Variants in PARD3B observed in about 807,000 individuals in gnomAD.
The protein encoded by PARD3B is partitioning defective 3 homolog B.
PARD3B carries 103 observed loss-of-function variants against 130.2 expected under a neutral mutation model. The observed-to-expected ratio is 0.79, with a 90% confidence interval of 0.67 to 0.93. The LOEUF (loss-of-function observed/expected upper bound fraction) is 0.93. PARD3B is among the 40% of genes least tolerant of loss of function. PARD3B has a pLI of 0.00. For missense variants in PARD3B, 1,609 were observed against 1,499.2 expected, an observed-to-expected ratio of 1.07 and a Z score of -1.21; for synonymous variants, 583 against 553.2, an observed-to-expected ratio of 1.05 and a Z score of -0.76.
At chr2:205,557,184 G>A (rs759481625) in intron 22 of PARD3B, among the ~76,000 whole-genome samples, 12 of 152,144 alleles carry the variant, frequency 7.9e-5, no homozygotes, top group Non-Finnish European at 1.6e-4. Flanking sequence ...GCGGCAAAAG[G>A]TTGCTGGAGA....
Position 204,745,017 on chromosome 2 carries a change from C to T in PARD3B, c.222+58735C>T, listed in dbSNP as rs577841954. On this transcript the variant is annotated intron_variant, in intron 2 of 22. Coordinates refer to ENST00000406610, the MANE Select transcript of PARD3B (RefSeq NM_001302769.2). Reference sequence around the variant, plus strand: ...GAAGTGCTTCATTGTGGGGTCCTATCTGAGTAGGGAAGGAAATAAAGACAG... The same window carrying T: ...GAAGTGCTTCATTGTGGGGTCCTATTTGAGTAGGGAAGGAAATAAAGACAG... Among the ~76,000 whole-genome samples, 3 of 152,142 alleles carry T rather than the reference C, an allele frequency of 2.0e-5. No homozygotes were observed. The South Asian group carries it at 6.2e-4, about 32-fold the overall frequency.
rs576890482 is a variant in PARD3B at position 204,785,536 on chromosome 2, A to C, written c.222+99254A>C. Among the ~76,000 whole-genome samples the C allele has an allele frequency of 1.9e-3, 290 of 152,246 alleles. 3 individuals are homozygous for C. The highest frequency in any genetic ancestry group is 6.9e-3 in the African/African-American group (287 of 41,540). ...AATATGACACTTTAAGGTTGGATAGATACTCCTGCCATAACCTACCAAACC... is the reference window on the plus strand; with the variant it reads ...AATATGACACTTTAAGGTTGGATAGCTACTCCTGCCATAACCTACCAAACC... On this transcript the variant is annotated intron_variant, in intron 2 of 22. Transcript: ENST00000406610.
chr2:205,124,848 C>T (rs954866312), intron 9 of PARD3B, among the ~76,000 whole-genome samples: 1 of 152,150 alleles, frequency 6.6e-6, no homozygotes, highest in African/African-American at 2.4e-5. Context: ...CAGGACAAGC[C>T]AGAGTATCTC....
At chr2:204,899,118 T>C (rs1163717682) in intron 2 of PARD3B, among the ~76,000 whole-genome samples, 1 of 152,128 alleles carries the variant, frequency 6.6e-6, no homozygotes, top group Non-Finnish European at 1.5e-5. Context: ...AGTGTTATCA[T>C]TGATAAATAA....
intron 22 of PARD3B, among the ~76,000 whole-genome samples, chr2:205,587,200 G>C (rs1302775049): frequency 1.3e-5 from 2 of 152,224 alleles, no homozygotes; most frequent in East Asian, 1.9e-4. Context: ...ATTTGAATGA[G>C]TCATTGCATC....
chr2:204,901,764 G>A (rs1014792914), intron 2 of PARD3B, among the ~76,000 whole-genome samples: 3 of 151,852 alleles, frequency 2.0e-5, no homozygotes, highest in Admixed American at 1.3e-4. Flanking sequence ...AACGGCCTGG[G>A]TACTGCTGCT....
At chr2:204,700,617 A>G (rs536516201) in intron 2 of PARD3B, among the ~76,000 whole-genome samples, 31 of 152,242 alleles carry the variant, frequency 2.0e-4, no homozygotes, top group African/African-American at 7.0e-4. Flanking sequence ...ACAAGCATGC[A>G]TAAAACCTGA....
chr2:204,831,184 C>T (rs1438826962), intron 2 of PARD3B, among the ~76,000 whole-genome samples: 1 of 151,950 alleles, frequency 6.6e-6, no homozygotes, highest in Non-Finnish European at 1.5e-5. Flanking sequence ...TTGAACTTTT[C>T]TATGAATAGA....
At chr2:204,718,995 T>C (rs957389471) in intron 2 of PARD3B, among the ~76,000 whole-genome samples, 6 of 152,234 alleles carry the variant, frequency 3.9e-5, no homozygotes, top group Non-Finnish European at 8.8e-5. Flanking sequence ...TGGTGGGATT[T>C]ACAACCAGGA....
chr2:204,796,018 G>T (rs1474480879), intron 2 of PARD3B, among the ~76,000 whole-genome samples: 4 of 152,064 alleles, frequency 2.6e-5, no homozygotes, highest in Admixed American at 2.6e-4. Flanking sequence ...TTGCATATAT[G>T]TCATTATTTA....
At position 205,287,478 on chromosome 2, in the gene PARD3B, AC is replaced by A. The variant is rs1368135734; in HGVS notation, c.2186-13048del. ...GCTCCAGGCTTAGATTCTCCCAGTAACCCCAGTAACAAAGACTGCTCACTCT... is the reference window on the plus strand; with the variant it reads ...GCTCCAGGCTTAGATTCTCCCAGTAACCCAGTAACAAAGACTGCTCACTCT... On this transcript the variant is annotated intron_variant, in intron 16 of 22. Transcript: ENST00000406610. The surrounding 1 kb of genome is among the most constrained non-coding windows in gnomAD (Gnocchi z 4.8). Among the ~76,000 whole-genome samples the A allele has an allele frequency of 9.2e-5, 14 of 151,954 alleles. No homozygotes were observed. Among genetic ancestry groups the A allele is most frequent in the Non-Finnish European group, 2.9e-5 (2 of 67,980 alleles).
chr2:205,028,201 C>T (rs1036603503), intron 3 of PARD3B, among the ~76,000 whole-genome samples: 6 of 152,158 alleles, frequency 3.9e-5, no homozygotes, highest in Non-Finnish European at 5.9e-5. Flanking sequence ...AATCCATGAA[C>T]GTGAGATCTC....
intron 22 of PARD3B, among the ~76,000 whole-genome samples, chr2:205,595,249 A>G (rs1465938717): frequency 6.6e-6 from 1 of 152,210 alleles, no homozygotes; most frequent in Non-Finnish European, 1.5e-5. Flanking sequence ...TGCCCACCAT[A>G]GAGGACAAAT....
Position 204,545,808 on chromosome 2 carries a change from C to T in PARD3B, c.-192C>T. 1.8e-6 allele frequency: 1 copy of T among 559,922 alleles called. No individual in the cohort carries two copies. Among genetic ancestry groups the T allele is most frequent in the Non-Finnish European group, 2.8e-6 (1 of 351,632 alleles). The allele number at this position is 559,922 out of a possible 1,614,324, so 34.7% of individuals were successfully genotyped here. ...ACCCCTTTCCGCGGCCGCCCCTCCC[C>T]GATTCCCGCCACCTGCCGCCTGGCC... is the stretch of plus-strand genomic sequence containing the variant. On this transcript the variant is annotated 5_prime_UTR_variant, in exon 1 of 23. Transcript: ENST00000406610.
chr2:205,616,292 GCAGAGCAGA>G lies in PARD3B; in HGVS notation c.*485_*493del, dbSNP rs1400234091. ...TTAGAGCTGTTAAGTCTAAGGTGTGGCAGAGCAGACAGAGATAGAGGCATCTGAAGTGAG... is the reference window on the plus strand; with the variant it reads ...TTAGAGCTGTTAAGTCTAAGGTGTGGCAGAGATAGAGGCATCTGAAGTGAG... On this transcript the variant is annotated 3_prime_UTR_variant, in exon 23 of 23. Coordinates refer to ENST00000406610, the MANE Select transcript of PARD3B (RefSeq NM_001302769.2). 6.4e-6 allele frequency: 1 copy of G among 156,106 alleles called. No homozygotes were observed. Among genetic ancestry groups the G allele is most frequent in the African/African-American group, 2.4e-5 (1 of 41,532 alleles). 9.7% of individuals were successfully genotyped at this position (156,106 alleles called of 1,614,324 possible).
At chr2:205,211,668 A>G (rs1298626127) in intron 15 of PARD3B, among the ~76,000 whole-genome samples, 1 of 152,100 alleles carries the variant, frequency 6.6e-6, no homozygotes. Flanking sequence ...TTCATAAGAA[A>G]AGGTAACTAG....
At chr2:204,574,590 A>G (rs1250790964) in intron 1 of PARD3B, among the ~76,000 whole-genome samples, 1 of 152,204 alleles carries the variant, frequency 6.6e-6, no homozygotes, top group African/African-American at 2.4e-5. Flanking sequence ...AGATTGAAGT[A>G]CAAGCTCTGC....
intron 3 of PARD3B, among the ~76,000 whole-genome samples, chr2:204,998,414 ATGTATATATGTG>A (rs1407843182): frequency 1.3e-4 from 6 of 46,118 alleles, no homozygotes; most frequent in African/African-American, 2.4e-4. Context: ...GTGTATATAT[ATGTATATATGTG>A]TATATATATG....
intron 2 of PARD3B, among the ~76,000 whole-genome samples, chr2:204,857,785 C>T (rs1336118707): frequency 6.6e-6 from 1 of 152,044 alleles, no homozygotes; most frequent in East Asian, 1.9e-4. Flanking sequence ...ATTTTATAGC[C>T]TGCTTCAGGG....
Sources: gnomAD v4.1 joint callset for allele counts (sites outside exome capture counted in the v4.1 genomes callset) on GRCh38, gnomAD v4.1.1 for gene constraint, Gnocchi (gnomAD v3.1) non-coding constraint, MANE v1.5 for transcripts, NCBI Gene and HGNC (gene_info 2026-07-23, HGNC 2026-07-21) for gene names.